PGAP6: variants seen among roughly 807,000 people sequenced by gnomAD.
The protein encoded by PGAP6 is post-GPI attachment to proteins 6.
In PGAP6, 62 loss-of-function variants were observed where a neutral mutation model predicts 68.4. The observed-to-expected ratio is 0.91, with a 90% CI of 0.74 to 1.12. PGAP6 has a LOEUF of 1.12. Among genes scored for constraint, PGAP6 ranks in the 50% most tolerant of loss-of-function variants. The pLI is 0.00. For missense variants in PGAP6, 1,188 were observed against 1,068.5 expected, an observed-to-expected ratio of 1.11 and a Z score of -1.56; for synonymous variants, 575 against 474.0, an observed-to-expected ratio of 1.21 and a Z score of -2.77.
chr16:378,260 GCACTGCCATCCCCACCCA>G lies in PGAP6; in HGVS notation c.122-430_122-413del, dbSNP rs1567325743. On this transcript the variant is annotated intron_variant, in intron 1 of 12. Transcript: ENST00000431232. ...GCCACCCGCACTGCCATCCCCACCCGCACTGCCATCCCCACCCACACTGCCATCGCCACCCGCACTGCC... is the reference window on the plus strand; with the variant it reads ...GCCACCCGCACTGCCATCCCCACCCGCACTGCCATCGCCACCCGCACTGCC... Among the ~76,000 whole-genome samples, 55 of 72,734 alleles carry G rather than the reference GCACTGCCATCCCCACCCA, an allele frequency of 7.6e-4. 3 individuals are homozygous for G. The highest frequency in any genetic ancestry group is 1.7e-3 in the African/African-American group (28 of 16,906). The allele number at this position is 72,734 out of a possible 152,430, so 47.7% of individuals were successfully genotyped here. A position where few individuals can be genotyped will look rare whatever the true frequency, so the allele number is the denominator to read the frequency against.
In PGAP6 at chr16:376,580, C is replaced by G; in HGVS notation, c.868G>C (p.Gly290Arg). 1.9e-6 allele frequency: 3 copies of G among 1,571,874 alleles called. No homozygotes were observed. Among genetic ancestry groups the G allele is most frequent in the Non-Finnish European group, 2.6e-6 (3 of 1,158,490 alleles). The change falls in exon 5 of 13, where the codon GGG becomes CGG. Residue 290 changes from glycine (G) to arginine (R), a missense_variant. Transcript: ENST00000431232. ...VTAESLVGPL[G>R]TVAFSAVAAL... ...GCTACAGCACTGAAAGCCACTGTCC[C>G]GAGGGGCCCCACCAGGCTCTCAGCT...
rs55739248 is a variant in PGAP6, at chr16:376,095, G to A, written c.1224+41C>T. The A allele has an allele frequency of 0.021, 33,244 of 1,553,916 alleles. 891 individuals carry two copies. Among genetic ancestry groups the A allele is most frequent in the African/African-American group, 0.12 (8,590 of 73,770 alleles). On this transcript the variant is annotated intron_variant, in intron 6 of 12. Transcript: ENST00000431232. ...CGCTGCAGGGGTTGCCCGGCGCCCT[G>A]CCCGAGCCCAGGCCACAGGCCGCTT...
chr16:381,318 G>A (rs1397283020), intron 1 of PGAP6, among the ~76,000 whole-genome samples: 1 of 152,216 alleles, frequency 6.6e-6, no homozygotes, highest in South Asian at 2.1e-4. Flanking sequence ...CTCTCAGGCC[G>A]GACCCGGCCG....
chr16:386,794 C>T (rs780448323), upstream of PGAP6: 1 of 614,418 alleles, frequency 1.6e-6, no homozygotes, highest in Non-Finnish European at 3.1e-6. Context: ...GAAGCTCCTG[C>T]CTCTCCTGAA....
chr16:382,385 C>G (rs900941991), upstream of PGAP6: 31 of 377,960 alleles, frequency 8.2e-5, no homozygotes, highest in African/African-American at 4.8e-4. Flanking sequence ...GAACCCGCGC[C>G]CTGCCCTGCC....
At chr16:378,898 C>T (rs1022165618) in intron 1 of PGAP6, among the ~76,000 whole-genome samples, 7 of 152,208 alleles carry the variant, frequency 4.6e-5, no homozygotes, top group Non-Finnish European at 8.8e-5. Flanking sequence ...ACGCCTGGTG[C>T]GGGGATGGAG....
rs572461131 is a variant in PGAP6, at chr16:373,555, GTTTCT to G, written c.1902+445_1902+449del. Among the ~76,000 whole-genome samples, 12 of 152,138 alleles carry G rather than the reference GTTTCT, an allele frequency of 7.9e-5. No individual in the cohort carries two copies. The South Asian group carries it at 1.2e-3, about 16-fold the overall frequency. On this transcript the variant is annotated intron_variant, in intron 11 of 12. Coordinates refer to ENST00000431232, the MANE Select transcript of PGAP6 (RefSeq NM_021259.3). ...CGTGTGGCATCACAGAAGACATGAGGTTTCTTTTCTTTTCTTTTGTCACCCAGGCT... is the reference window on the plus strand; with the variant it reads ...CGTGTGGCATCACAGAAGACATGAGGTTTCTTTTCTTTTGTCACCCAGGCT...
Position 374,321 on chromosome 16 carries a change from G to T in PGAP6, c.1655C>A (p.Thr552Lys), listed in dbSNP as rs374093452. 9.3e-6 allele frequency: 15 copies of T among 1,604,894 alleles called. No individual in the cohort carries two copies. Among genetic ancestry groups the T allele is most frequent in the Non-Finnish European group, 1.2e-5 (14 of 1,179,692 alleles). Residue 552 changes from threonine (T) to lysine (K), a missense_variant, in exon 10 of 13, where the codon ACG becomes AAG. Thr to Lys is a moderately conservative substitution (Grantham distance 78). Transcript: ENST00000431232. ...GGCCAGGAACATGAGGTTGCTGAGC[G>T]TGAGCAGCAGTGTGGCCGCCCTCTG... ...AQQRAATLLLTLSNLMFLAPI... is the reference protein window; with the variant it reads ...AQQRAATLLLKLSNLMFLAPI...
At position 377,017 on chromosome 16, in the gene PGAP6, C is replaced by T. The variant is rs1376827268; in HGVS notation, c.635+20G>A. 2.5e-6 allele frequency: 4 copies of T among 1,611,134 alleles called. No homozygotes were observed. The highest frequency in any genetic ancestry group is 2.2e-5 in the South Asian group (2 of 91,032). On this transcript the variant is annotated intron_variant, in intron 4 of 12. Coordinates refer to ENST00000431232, the MANE Select transcript of PGAP6 (RefSeq NM_021259.3). ...GGGGCCGGAGGGCAGAGCCGGGCTG[C>T]CCCCCAGGCCCCCGCTCACTTGAGG... is the stretch of plus-strand genomic sequence containing the variant.
At position 371,634 on chromosome 16, in the gene PGAP6, G is replaced by A. The variant is rs541796621; in HGVS notation, c.*353C>T. On this transcript the variant is annotated 3_prime_UTR_variant, in exon 13 of 13. Transcript: ENST00000431232. ...TCACCACAGCCTCGCCAGGGAACAG[G>A]ACCATAGGGAGTCCTTCTCCCCATC... 1 of 284,888 alleles carries A rather than the reference G, an allele frequency of 3.5e-6. No individual in the cohort carries two copies. The highest frequency in any genetic ancestry group is 3.6e-5 in the South Asian group (1 of 27,938). 17.6% of individuals were successfully genotyped at this position (284,888 alleles called of 1,614,324 possible).
intron 1 of PGAP6, among the ~76,000 whole-genome samples, chr16:381,405 C>CGAGTGCGCG (rs1390624353): frequency 6.6e-6 from 1 of 152,184 alleles, no homozygotes; most frequent in African/African-American, 2.4e-5. Context: ...TTCCCCGCGC[C>CGAGTGCGCG]GGGCGCGCCG....
At position 372,303 on chromosome 16, in the gene PGAP6, A is replaced by G; in HGVS notation, c.2020-20T>C. On this transcript the variant is annotated intron_variant, in intron 12 of 12. Transcript: ENST00000431232. ...GTAAGCCTGGAGAAAACAGCCACGC[A>G]GGTATCAGTGCAGGTGGGGCCGCGG... 1 of 1,600,408 alleles carries G rather than the reference A, an allele frequency of 6.2e-7. No individual in the cohort carries two copies.
intron 1 of PGAP6, among the ~76,000 whole-genome samples, chr16:380,743 G>A (rs1033776362): frequency 6.6e-6 from 1 of 151,894 alleles, no homozygotes; most frequent in Admixed American, 6.6e-5. Flanking sequence ...CAGAAAGCAG[G>A]AGGCACAGCC....
intron 11 of PGAP6, among the ~76,000 whole-genome samples, chr16:373,195 A>G (rs1395859179): frequency 6.6e-6 from 1 of 152,220 alleles, no homozygotes; most frequent in Non-Finnish European, 1.5e-5. Flanking sequence ...TCAGCCCTGC[A>G]GGACCCTGGT....
intron 9 of PGAP6, 77 bp from the exon 10 acceptor site, chr16:374,476 C>G (rs1597158965): frequency 7.1e-7 from 1 of 1,411,904 alleles, no homozygotes; most frequent in East Asian, 2.4e-5. Context: ...CAGGACCCTG[C>G]AGAGAAGCCC....
rs1443755240 is a variant in PGAP6, at chr16:377,852, TGAG to T, written c.122-7_122-5del. On this transcript the variant is annotated splice_region_variant and splice_polypyrimidine_tract_variant and intron_variant, in intron 1 of 12. Coordinates refer to ENST00000431232, the MANE Select transcript of PGAP6 (RefSeq NM_021259.3). ...TGCTCGGACACCAGCCCCACCTCTGTGAGGAGAAGGAGGTGTCAGCCAGGCCGG... is the reference window on the plus strand; with the variant it reads ...TGCTCGGACACCAGCCCCACCTCTGTGAGAAGGAGGTGTCAGCCAGGCCGG... 1.5e-5 allele frequency: 23 copies of T among 1,552,418 alleles called. No individual in the cohort carries two copies. The highest frequency in any genetic ancestry group is 9.6e-5 in the African/African-American group (7 of 73,162).
intron 3 of PGAP6, 34 bp downstream of exon 3, chr16:377,344 C>G: frequency 6.4e-7 from 1 of 1,560,256 alleles, no homozygotes; most frequent in South Asian, 1.2e-5. Flanking sequence ...CCGCAAGGTT[C>G]TCTGCCTCCA....
intron 12 of PGAP6, 57 bp from the exon 13 acceptor site, chr16:372,340 AG>A: frequency 6.5e-7 from 1 of 1,543,306 alleles, no homozygotes; most frequent in Non-Finnish European, 8.7e-7. Context: ...TGCAGCTCCC[AG>A]GGCCCAGATA....
chr16:377,367 G>A lies in PGAP6; in HGVS notation c.507+11C>T. The A allele has an allele frequency of 6.3e-7, 1 of 1,578,090 alleles. No homozygotes were observed. The highest frequency in any genetic ancestry group is 8.6e-7 in the Non-Finnish European group (1 of 1,159,634). On this transcript the variant is annotated intron_variant, in intron 3 of 12. Coordinates refer to ENST00000431232, the MANE Select transcript of PGAP6 (RefSeq NM_021259.3). ...TTCTCTGCCTCCATCCCGGAGGGCAGCCCCCCTCACCTTCAACTCGATCTT... is the reference window on the plus strand; with the variant it reads ...TTCTCTGCCTCCATCCCGGAGGGCAACCCCCCTCACCTTCAACTCGATCTT...
Sources: gnomAD v4.1 joint callset for allele counts (sites outside exome capture counted in the v4.1 genomes callset) on GRCh38, gnomAD v4.1.1 for gene constraint, MANE v1.5 for transcripts, NCBI Gene and HGNC (gene_info 2026-07-23, HGNC 2026-07-21) for gene names.